ZNF484: variants seen among roughly 807,000 people sequenced by gnomAD.
ZNF484 encodes the protein KRAB box containing C2H2 type zinc finger bA526D8.4.
Under a neutral mutation model 12.9 loss-of-function variants are expected in ZNF484, and 11 were observed. The observed-to-expected ratio is 0.85, with a 90% CI of 0.54 to 1.41. The LOEUF (loss-of-function observed/expected upper bound fraction) is 1.41, where lower values mean the gene tolerates loss of function less well. Among genes scored for constraint, ZNF484 ranks in the 40% most tolerant of loss-of-function variants. The probability of loss-of-function intolerance (pLI) is 0.00; values close to 1 mark genes in which losing one functional copy is unlikely to be tolerated. For synonymous variants in ZNF484, 289 were observed against 334.1 expected (o/e 0.86, Z 1.47); for missense variants, 807 against 1,007.7 (o/e 0.80, Z 2.70).
chr9:92,850,744 T>C (rs568794022), intron 4 of ZNF484, among the ~76,000 whole-genome samples: 3 of 151,904 alleles, frequency 2.0e-5, no homozygotes, highest in African/African-American at 7.3e-5. Flanking sequence ...CCGCCATACA[T>C]GTATTTGTAA....
intron 2 of ZNF484, among the ~76,000 whole-genome samples, chr9:92,871,135 A>G (rs1283757135): frequency 2.6e-5 from 4 of 152,262 alleles, no homozygotes; most frequent in African/African-American, 9.6e-5. Flanking sequence ...GTATGTTATC[A>G]GAATTATTTC....
In ZNF484 at chr9:92,847,213, T is replaced by A. The variant is rs1171761030; in HGVS notation, c.1574A>T (p.Lys525Ile). Reference sequence around the variant, plus strand: ...GAATGATTTTCCACAGTCGCTGCATTTATAAGGTTTCTCTCCAGTATGAAT... The same window carrying A: ...GAATGATTTTCCACAGTCGCTGCATATATAAGGTTTCTCTCCAGTATGAAT... ...QKIHTGEKPYKCSDCGKSFTW... is the reference protein window; with the variant it reads ...QKIHTGEKPYICSDCGKSFTW... Residue 525 changes from lysine to isoleucine, a missense_variant, in exon 5 of 5, where the codon AAA becomes ATA. By Grantham distance (102) the Lys-to-Ile change is moderately radical. Coordinates refer to ENST00000375495, the MANE Select transcript of ZNF484 (RefSeq NM_031486.4). 6.2e-7 allele frequency: 1 copy of A among 1,614,002 alleles called. No homozygotes were observed. Among genetic ancestry groups the A allele is most frequent in the Non-Finnish European group, 8.5e-7 (1 of 1,180,028 alleles).
intron 2 of ZNF484, among the ~76,000 whole-genome samples, chr9:92,860,105 G>A (rs914848760): frequency 6.6e-6 from 1 of 152,122 alleles, no homozygotes; most frequent in Non-Finnish European, 1.5e-5. Flanking sequence ...CATGGCCAAA[G>A]GTACCCCACT....
At chr9:92,865,059 CGAGAGAGAAA>C (rs1856992288) in intron 2 of ZNF484, among the ~76,000 whole-genome samples, 5 of 151,156 alleles carry the variant, frequency 3.3e-5, no homozygotes, top group Admixed American at 3.3e-4. Context: ...AGAGAGAGAA[CGAGAGAGAAA>C]GAGTATATTC....
chr9:92,845,210 T>G lies in ZNF484; in HGVS notation c.*1018A>C, dbSNP rs1276138183. 6.6e-6 allele frequency: 1 copy of G among 152,110 alleles called. No individual in the cohort carries two copies. Among genetic ancestry groups the G allele is most frequent in the Non-Finnish European group, 1.5e-5 (1 of 67,990 alleles). 9.4% of individuals were successfully genotyped at this position (152,110 alleles called of 1,614,324 possible). ...AAGACAAAATATATAAAGCAAAAAT[T>G]AGTAGCTCTAAAGGAGACAAATTCA... On this transcript the variant is annotated 3_prime_UTR_variant, in exon 5 of 5. Coordinates refer to ENST00000375495, the MANE Select transcript of ZNF484 (RefSeq NM_031486.4). The surrounding 1 kb of genome is among the most constrained non-coding windows in gnomAD (Gnocchi z 4.0).
intron 1 of ZNF484, 112 bp from the exon 2 acceptor site, chr9:92,875,171 G>A: frequency 3.9e-6 from 3 of 774,504 alleles, no homozygotes; most frequent in Non-Finnish European, 4.0e-6. Context: ...ATTTATTTCT[G>A]GAACTACCAC....
At position 92,874,210 on chromosome 9, in the gene ZNF484, A is replaced by T. The variant is rs10115618; in HGVS notation, c.15+805T>A. Among the ~76,000 whole-genome samples the T allele has an allele frequency of 3.7e-3, 565 of 152,352 alleles. 4 individuals are homozygous for T. Among genetic ancestry groups the T allele is most frequent in the African/African-American group, 0.013 (525 of 41,578 alleles). On this transcript the variant is annotated intron_variant, in intron 2 of 4. Coordinates refer to ENST00000375495, the MANE Select transcript of ZNF484 (RefSeq NM_031486.4). Reference sequence around the variant, plus strand: ...AATTCTCATATCCCATCCCATAGCTACTAAATCAGAATCTGAATTCAAATG... The same window carrying T: ...AATTCTCATATCCCATCCCATAGCTTCTAAATCAGAATCTGAATTCAAATG...
At chr9:92,873,798 G>T (rs1024913230) in intron 2 of ZNF484, among the ~76,000 whole-genome samples, 2 of 151,772 alleles carry the variant, frequency 1.3e-5, no homozygotes, top group African/African-American at 4.8e-5. Flanking sequence ...TGAGGTCAGG[G>T]TTATCGTGAT....
chr9:92,860,603 CAAA>C (rs66491279), intron 2 of ZNF484, among the ~76,000 whole-genome samples: 1 of 91,874 alleles, frequency 1.1e-5, no homozygotes, highest in Non-Finnish European at 2.1e-5. Context: ...GACTCCATCT[CAAA>C]AAAAAAAAAA....
chr9:92,851,946 A>G (rs536775331), intron 4 of ZNF484, among the ~76,000 whole-genome samples: 1 of 152,358 alleles, frequency 6.6e-6, no homozygotes, highest in South Asian at 2.1e-4. Flanking sequence ...CGTTAACAAA[A>G]GTGTAATGCA....
rs1855766668 is a variant in ZNF484 at position 92,847,823 on chromosome 9, G to C, written c.964C>G (p.Pro322Ala). The change falls in exon 5 of 5, where the codon CCT (proline) becomes GCT (alanine). Residue 322 changes from proline (P) to alanine (A), a missense_variant. Transcript: ENST00000375495. ...FSLKSNRQKT[P>A]YEGNYYKCSD... is the part of the protein sequence containing the mutation. ...CATTTATAGTAATTCCCCTCATAAG[G>C]AGTTTTCTGACGGTTTGACTTGAGG... is the stretch of plus-strand genomic sequence containing the variant. 1 of 1,613,908 alleles carries C rather than the reference G, an allele frequency of 6.2e-7. No individual in the cohort carries two copies. Among genetic ancestry groups the C allele is most frequent in the African/African-American group, 1.3e-5 (1 of 74,884 alleles).
At chr9:92,871,480 AAAAAG>A (rs1279882733) in intron 2 of ZNF484, among the ~76,000 whole-genome samples, 2 of 152,174 alleles carry the variant, frequency 1.3e-5, no homozygotes, top group Non-Finnish European at 2.9e-5. Flanking sequence ...CCAGAAAGAG[AAAAAG>A]AAGAGAAAGG....
At chr9:92,853,594 G>C (rs1242156393) in intron 4 of ZNF484, among the ~76,000 whole-genome samples, 3 of 152,148 alleles carry the variant, frequency 2.0e-5, no homozygotes, top group Admixed American at 1.3e-4. Flanking sequence ...ATTATGCTGG[G>C]CTGAGACACA....
At position 92,848,124 on chromosome 9, in the gene ZNF484, A is replaced by G; in HGVS notation, c.663T>C (p.Thr221=). 6.2e-7 allele frequency: 1 copy of G among 1,614,236 alleles called. No homozygotes were observed. The highest frequency in any genetic ancestry group is 2.2e-5 in the East Asian group (1 of 44,882). ...TCCCACATTGGTTACATTCACAAGC[A>G]GTCACTTCTGTATGAGAATTCAAAT... The part of the protein sequence containing the change: ...FTHLNSHTEV[T]ACECNQCGKP... Residue 221 remains threonine (T), a synonymous_variant, in exon 5 of 5, where the codon ACT becomes ACC. Coordinates refer to ENST00000375495, the MANE Select transcript of ZNF484 (RefSeq NM_031486.4). The surrounding 1 kb of genome is among the most constrained non-coding windows in gnomAD (Gnocchi z 4.1).
At chr9:92,870,904 G>A (rs748269663) in intron 2 of ZNF484, among the ~76,000 whole-genome samples, 12 of 152,124 alleles carry the variant, frequency 7.9e-5, no homozygotes, top group Non-Finnish European at 1.8e-4. Context: ...TAGGGAACCT[G>A]CAAATTCACA....
In ZNF484 at chr9:92,846,771, G is replaced by A; in HGVS notation, c.2016C>T (p.Ala672=). 1 of 1,613,788 alleles carries A rather than the reference G, an allele frequency of 6.2e-7. No homozygotes were observed. Among genetic ancestry groups the A allele is most frequent in the Non-Finnish European group, 8.5e-7 (1 of 1,179,906 alleles). The change falls in exon 5 of 5, where the codon GCC becomes GCT. Residue 672 remains alanine (A), a synonymous_variant. Coordinates refer to ENST00000375495, the MANE Select transcript of ZNF484 (RefSeq NM_031486.4). ...KPYKCSDCGK[A]FTRKSGLHIH... is the part of the protein sequence containing the mutation. The stretch of plus-strand genomic sequence containing the variant: ...TATGGAGACCTGACTTCCTAGTGAA[G>A]GCTTTCCCACAGTCACTACATTTAT...
intron 2 of ZNF484, among the ~76,000 whole-genome samples, chr9:92,872,265 C>G (rs10821033): frequency 0.24 from 16,474 of 69,936 alleles, 1,559 homozygotes; most frequent in African/African-American, 0.33. Context: ...AAAGTTAAAG[C>G]AGAGGCAATA....
chr9:92,868,876 T>A (rs901060788), intron 2 of ZNF484, among the ~76,000 whole-genome samples: 1 of 152,202 alleles, frequency 6.6e-6, no homozygotes, highest in Admixed American at 6.5e-5. Context: ...CTCTTTTATT[T>A]TTAAAATTTC....
intron 2 of ZNF484, among the ~76,000 whole-genome samples, chr9:92,863,834 T>C (rs1169683956): frequency 1.3e-5 from 2 of 152,166 alleles, no homozygotes; most frequent in Non-Finnish European, 2.9e-5. Flanking sequence ...AGATAAAGAT[T>C]TGGGAGTCAC....
Sources: allele counts gnomAD v4.1 joint callset (sites outside exome capture counted in the v4.1 genomes callset), GRCh38; gene constraint gnomAD v4.1.1; non-coding constraint Gnocchi (gnomAD v3.1); transcripts MANE v1.5; gene names NCBI Gene and HGNC (gene_info 2026-07-23, HGNC 2026-07-21).